PEAK1: variants seen among roughly 807,000 people sequenced by gnomAD.
The protein encoded by PEAK1 is pseudopodium enriched atypical kinase 1.
Under a neutral mutation model 124.7 loss-of-function variants are expected in PEAK1, and 54 were observed. That is an observed-to-expected ratio of 0.43 (90% CI 0.35 to 0.54). The LOEUF (loss-of-function observed/expected upper bound fraction) is 0.54, where lower values mean the gene tolerates loss of function less well. Among genes scored for constraint, PEAK1 ranks in the 20% least tolerant of loss-of-function variants. PEAK1 has a pLI of 0.01. For missense variants in PEAK1, 2,046 were observed against 2,134.5 expected (o/e 0.96, Z 0.82); for synonymous variants, 719 against 760.0 (o/e 0.95, Z 0.89).
At chr15:77,331,170 C>A (rs552148360) in intron 2 of PEAK1, 1 of 373,710 alleles carries the variant, frequency 2.7e-6, no homozygotes, top group Admixed American at 6.4e-5. Flanking sequence ...TGCTCTGCTG[C>A]CCAGGCTGAA....
At chr15:77,405,413 C>T (rs991488574) in intron 1 of PEAK1, among the ~76,000 whole-genome samples, 1 of 152,142 alleles carries the variant, frequency 6.6e-6, no homozygotes, top group African/African-American at 2.4e-5. Flanking sequence ...AGATTTTCTC[C>T]TTTTTACTTA....
chr15:77,241,375 G>A (rs2060349345), intron 6 of PEAK1, among the ~76,000 whole-genome samples: 1 of 152,004 alleles, frequency 6.6e-6, no homozygotes, highest in Admixed American at 6.5e-5. Flanking sequence ...AGCTAATATC[G>A]TATTTAATAG....
At chr15:77,185,935 T>A (rs573498749) in intron 6 of PEAK1, among the ~76,000 whole-genome samples, 3 of 152,310 alleles carry the variant, frequency 2.0e-5, no homozygotes, top group African/African-American at 7.2e-5. Flanking sequence ...GTGACTTTCC[T>A]AAGGACACAC....
Position 77,292,490 on chromosome 15 carries a change from CA to C in PEAK1, c.-602-5987del, listed in dbSNP as rs545840868. Among the ~76,000 whole-genome samples, 699 of 136,524 alleles carry C rather than the reference CA, an allele frequency of 5.1e-3. 6 individuals carry two copies. Among genetic ancestry groups the C allele is most frequent in the African/African-American group, 0.016 (605 of 37,356 alleles). 89.6% of individuals were successfully genotyped at this position (136,524 alleles called of 152,430 possible). A position where few individuals can be genotyped will look rare whatever the true frequency, so the allele number is the denominator to read the frequency against. On this transcript the variant is annotated intron_variant, in intron 2 of 9. Transcript: ENST00000682557. ...CATTTGCTTAAAAAAGCAAAATTAC[CA>C]AAAAAAAAAAGCACAGAAAATGTGA...
intron 9 of PEAK1, among the ~76,000 whole-genome samples, chr15:77,128,366 T>A (rs967619657): frequency 2.0e-5 from 3 of 152,182 alleles, no homozygotes; most frequent in African/African-American, 7.2e-5. Context: ...AAGGGAAGAA[T>A]GATCCTGAAA....
intron 8 of PEAK1, among the ~76,000 whole-genome samples, chr15:77,139,471 C>T (rs1271644641): frequency 2.0e-5 from 3 of 152,156 alleles, no homozygotes; most frequent in Non-Finnish European, 4.4e-5. Context: ...GGTTTGTTTA[C>T]ACCAGCATCA....
rs1257352080 is a variant in PEAK1, at chr15:77,111,994, T to C, written c.*2162A>G. On this transcript the variant is annotated 3_prime_UTR_variant, in exon 10 of 10. Coordinates refer to ENST00000682557, the MANE Select transcript of PEAK1 (RefSeq NM_001385026.1). ...GGCAAGGAGTTATGTGCACATGTTC[T>C]ATGCTAAGATGAACCAAACACCAAC... 1 of 152,232 alleles carries C rather than the reference T, an allele frequency of 6.6e-6. No homozygotes were observed. Among genetic ancestry groups the C allele is most frequent in the Admixed American group, 6.5e-5 (1 of 15,278 alleles). 9.4% of individuals were successfully genotyped at this position (152,232 alleles called of 1,614,324 possible). A position where few individuals can be genotyped will look rare whatever the true frequency, so the allele number is the denominator to read the frequency against.
chr15:77,267,820 A>G (rs1041106951), intron 5 of PEAK1, among the ~76,000 whole-genome samples: 21 of 152,146 alleles, frequency 1.4e-4, no homozygotes, highest in Non-Finnish European at 2.9e-4. Context: ...ACACCCCCAA[A>G]AAATCACACT....
At chr15:77,129,584 C>T (rs980961348) in intron 9 of PEAK1, among the ~76,000 whole-genome samples, 2 of 150,718 alleles carry the variant, frequency 1.3e-5, no homozygotes, top group East Asian at 1.9e-4. Context: ...TACAGGTGCC[C>T]GCCACAATGA....
chr15:77,149,326 C>T (rs568099981), intron 8 of PEAK1, among the ~76,000 whole-genome samples: 11 of 152,284 alleles, frequency 7.2e-5, no homozygotes, highest in African/African-American at 2.2e-4. Context: ...AATCCATCCA[C>T]TGCCTTATTA....
At chr15:77,340,334 C>T (rs984707791) in intron 2 of PEAK1, among the ~76,000 whole-genome samples, 3 of 152,152 alleles carry the variant, frequency 2.0e-5, no homozygotes, top group Non-Finnish European at 4.4e-5. Context: ...GAAGCTTGAA[C>T]TAACACAGAT....
In PEAK1 at chr15:77,127,500, C is replaced by A. The variant is rs114235988; in HGVS notation, c.4077+5505G>T. Among the ~76,000 whole-genome samples, 27 of 152,076 alleles carry A rather than the reference C, an allele frequency of 1.8e-4. No individual in the cohort carries two copies. The South Asian group carries it at 5.4e-3, about 30-fold the overall frequency. On this transcript the variant is annotated intron_variant, in intron 9 of 9. Coordinates refer to ENST00000682557, the MANE Select transcript of PEAK1 (RefSeq NM_001385026.1). ...TTGCTAGAAATATGGATGCTAGGGG[C>A]GATTCTGATGAGGTTTCTGATAGTA...
rs749000554 is a variant in PEAK1 at position 77,298,197 on chromosome 15, A to ATTTTTTTT, written c.-602-11701_-602-11694dup. Among the ~76,000 whole-genome samples, 37 of 37,820 alleles carry ATTTTTTTT rather than the reference A, an allele frequency of 9.8e-4. 6 individuals are homozygous for ATTTTTTTT. Among genetic ancestry groups the ATTTTTTTT allele is most frequent in the East Asian group, 2.1e-3 (2 of 954 alleles). 24.8% of individuals were successfully genotyped at this position (37,820 alleles called of 152,430 possible). Reference sequence around the variant, plus strand: ...TAGCTTCTTTTGTTTGGTATCCTTAATTTTTTTTTTTTTTTTTTTTTTTTT... The same window carrying ATTTTTTTT: ...TAGCTTCTTTTGTTTGGTATCCTTAATTTTTTTTTTTTTTTTTTTTTTTTTTTTTTTTT... On this transcript the variant is annotated intron_variant, in intron 2 of 9. Coordinates refer to ENST00000682557, the MANE Select transcript of PEAK1 (RefSeq NM_001385026.1).
At chr15:77,128,421 T>C (rs2052569148) in intron 9 of PEAK1, among the ~76,000 whole-genome samples, 1 of 152,168 alleles carries the variant, frequency 6.6e-6, no homozygotes, top group African/African-American at 2.4e-5. Context: ...AAAGGACCAG[T>C]AGGCAAGGCT....
chr15:77,363,356 A>G (rs746940713), intron 2 of PEAK1, among the ~76,000 whole-genome samples: 1 of 152,112 alleles, frequency 6.6e-6, no homozygotes, highest in Non-Finnish European at 1.5e-5. Context: ...CTTCATTCAG[A>G]AGTCTCTGTG....
chr15:77,327,672 C>T (rs1204484872), intron 2 of PEAK1, among the ~76,000 whole-genome samples: 2 of 151,330 alleles, frequency 1.3e-5, no homozygotes, highest in African/African-American at 4.9e-5. Context: ...GTTTTTTTAA[C>T]GTGAACCCTG....
At position 77,378,917 on chromosome 15, in the gene PEAK1, G is replaced by T. The variant is rs150544344; in HGVS notation, c.-665-13692C>A. Among the ~76,000 whole-genome samples the T allele has an allele frequency of 1.5e-3, 222 of 152,336 alleles. 1 individual carries two copies. Among genetic ancestry groups the T allele is most frequent in the African/African-American group, 5.2e-3 (216 of 41,566 alleles). On this transcript the variant is annotated intron_variant, in intron 1 of 9. Transcript: ENST00000682557. ...ACAAACATGTTTGTTGAGATGGACT[G>T]TGTAAGTCCGAGGATTTTGCTCGCC...
At position 77,179,540 on chromosome 15, in the gene PEAK1, A is replaced by C. The variant is rs1326016934; in HGVS notation, c.2387T>G (p.Leu796Arg). 1.2e-6 allele frequency: 2 copies of C among 1,613,968 alleles called. No individual in the cohort carries two copies. Among genetic ancestry groups the C allele is most frequent in the Non-Finnish European group, 1.7e-6 (2 of 1,180,000 alleles). Residue 796 changes from leucine (L) to arginine (R), a missense_variant, in exon 7 of 10, where the codon CTT (leucine) becomes CGT (arginine). Transcript: ENST00000682557. ...SGPKACSVEELYAIPPDADVA... is the reference protein window; with the variant it reads ...SGPKACSVEERYAIPPDADVA... ...ATCAGCATCTGGAGGAATGGCATAA[A>C]GCTCTTCCACACTGCAAGCTTTAGG...
intron 1 of PEAK1, chr15:77,404,201 G>A: frequency 1.0e-6 from 1 of 985,392 alleles, no homozygotes; most frequent in Non-Finnish European, 1.2e-6. Flanking sequence ...CATCTTGTGA[G>A]ACACCAAAGT....
Sources: allele counts gnomAD v4.1 joint callset (sites outside exome capture counted in the v4.1 genomes callset), GRCh38; gene constraint gnomAD v4.1.1; transcripts MANE v1.5; gene names NCBI Gene and HGNC (gene_info 2026-07-23, HGNC 2026-07-21).